The following EML5 variants were observed in gnomAD, a reference collection of about 807,000 sequenced individuals.
EML5 encodes EMAP like 5.
A neutral mutation model predicts 250.0 loss-of-function variants in EML5; 120 were observed. The observed-to-expected ratio is 0.48, with a 90% CI of 0.41 to 0.56. The LOEUF (loss-of-function observed/expected upper bound fraction) is 0.56. Ranked by LOEUF, EML5 falls within the 20% of genes least tolerant of loss-of-function variation. The pLI, the probability that EML5 is intolerant of heterozygous loss-of-function variation, is 0.00. For missense variants in EML5, 2,006 were observed against 2,437.6 expected, an observed-to-expected ratio of 0.82 and a Z score of 3.73; for synonymous variants, 771 against 806.5, an observed-to-expected ratio of 0.96 and a Z score of 0.75.
intron 2 of EML5, among the ~76,000 whole-genome samples, chr14:88,749,680 A>G (rs1314948122): frequency 6.6e-6 from 1 of 152,224 alleles, no homozygotes; most frequent in Non-Finnish European, 1.5e-5. Context: ...CTTTCCAAAT[A>G]TACATGAAAT....
In EML5 at chr14:88,754,602, A is replaced by T. The variant is rs1022723045; in HGVS notation, c.267T>A (p.Ile89=). The part of the protein sequence containing the change: ...GQVGKEPYIC[I]WDSYTVQTIS... ...TGGTCTGCACAGTGTATGAATCCCA[A>T]ATACAAATATAAGGCTCTTTCCCAA... The change falls in exon 2 of 44, where the codon ATT becomes ATA. Residue 89 remains isoleucine (I), a synonymous_variant. Transcript: ENST00000554922. The T allele has an allele frequency of 6.2e-7, 1 of 1,613,470 alleles. No homozygotes were observed. The highest frequency in any genetic ancestry group is 1.1e-5 in the South Asian group (1 of 90,964).
chr14:88,730,396 T>A (rs1433081907), intron 7 of EML5, among the ~76,000 whole-genome samples: 1 of 152,226 alleles, frequency 6.6e-6, no homozygotes, highest in Non-Finnish European at 1.5e-5. Flanking sequence ...GTGGTTGATT[T>A]GTTAGCCAAG....
At chr14:88,740,833 A>G (rs1374953284) in intron 4 of EML5, among the ~76,000 whole-genome samples, 4 of 152,168 alleles carry the variant, frequency 2.6e-5, no homozygotes, top group Admixed American at 2.6e-4. Context: ...AAAATATGCT[A>G]TGCTTTCCTT....
chr14:88,784,275 T>G (rs974996362), intron 1 of EML5, among the ~76,000 whole-genome samples: 3 of 151,564 alleles, frequency 2.0e-5, no homozygotes, highest in Non-Finnish European at 4.4e-5. Context: ...CCAAAATTAG[T>G]AGAAAGAAAT....
Position 88,625,125 on chromosome 14 carries a change from A to C in EML5, c.4743T>G (p.Asn1581Lys). The change falls in exon 36 of 44, where the codon AAT becomes AAG. Residue 1581 changes from asparagine (N) to lysine (K), a missense_variant and splice_region_variant. This residue lies in a region of EML5 where 405 missense variants were observed against 523.3 expected (regional missense o/e 0.77). Coordinates refer to ENST00000554922, the MANE Select transcript of EML5 (RefSeq NM_183387.3). ...QTMLAIAFGA[N>K]NLTFTGTISG... is the part of the protein sequence containing the mutation. ...TGATGGTACCTGTAAACGTCAAGTT[A>C]TTCTGAAAAGGAGTGGGGGAGGGGG... 1 of 1,613,560 alleles carries C rather than the reference A, an allele frequency of 6.2e-7. No homozygotes were observed. Among genetic ancestry groups the C allele is most frequent in the East Asian group, 2.2e-5 (1 of 44,880 alleles).
At chr14:88,694,581 T>G (rs1266510243) in intron 16 of EML5, among the ~76,000 whole-genome samples, 174 bp from the exon 17 acceptor site, 2 of 152,304 alleles carry the variant, frequency 1.3e-5, no homozygotes, top group African/African-American at 4.8e-5. Context: ...ATGGTAACTC[T>G]GCTCAAGAGA....
In EML5 at chr14:88,694,380, T is replaced by C. The variant is rs1181094932; in HGVS notation, c.2466A>G (p.Val822=). ...ARGSKDKIFV[V]KMNPYVPDKL... ...TATCAGGCACATAGGGGTTCATCTT[T>C]ACAACAAAAATCTTATCTTTACTTC... The change falls in exon 17 of 44, where the codon GTA becomes GTG. Residue 822 remains valine (V), a synonymous_variant. Coordinates refer to ENST00000554922, the MANE Select transcript of EML5 (RefSeq NM_183387.3). The C allele has an allele frequency of 6.3e-6, 10 of 1,588,266 alleles. No homozygotes were observed. The highest frequency in any genetic ancestry group is 6.9e-6 in the Non-Finnish European group (8 of 1,166,680).
intron 32 of EML5, among the ~76,000 whole-genome samples, chr14:88,637,721 T>C (rs2090821498): frequency 2.6e-5 from 4 of 152,184 alleles, no homozygotes; most frequent in Admixed American, 2.6e-4. Flanking sequence ...GGCATTGAGC[T>C]AGGTACTTAG....
At chr14:88,644,642 G>T (rs1402194027) in intron 29 of EML5, 131 bp from the exon 30 acceptor site, 2 of 656,072 alleles carry the variant, frequency 3.0e-6, no homozygotes, top group Non-Finnish European at 2.6e-6. Context: ...TGGTCCACTA[G>T]ACTGCCCTCT....
chr14:88,689,699 G>A (rs772207780), intron 17 of EML5, among the ~76,000 whole-genome samples: 30 of 151,996 alleles, frequency 2.0e-4, no homozygotes, highest in African/African-American at 3.1e-4. Flanking sequence ...GTGCCAGTAC[G>A]CTCCAGCCTG....
chr14:88,629,326 T>A (rs987597955), intron 33 of EML5, among the ~76,000 whole-genome samples: 6 of 152,146 alleles, frequency 3.9e-5, no homozygotes, highest in African/African-American at 1.4e-4. Flanking sequence ...TTAAATTCAA[T>A]GACTGAGCTT....
intron 1 of EML5, among the ~76,000 whole-genome samples, chr14:88,763,628 A>C (rs116761706): frequency 0.019 from 2,834 of 152,306 alleles, 98 homozygotes; most frequent in African/African-American, 0.064. Flanking sequence ...ACAATAGAAA[A>C]AGAGGGAATT....
At chr14:88,705,335 TCTAACA>T in intron 12 of EML5, 141 bp downstream of exon 12, 4 of 690,454 alleles carry the variant, frequency 5.8e-6, no homozygotes, top group Non-Finnish European at 9.9e-6. Flanking sequence ...ACAAGTGTAC[TCTAACA>T]CTGACAGTGG....
chr14:88,638,945 T>A, intron 31 of EML5, 38 bp from the exon 32 acceptor site: 1 of 1,466,914 alleles, frequency 6.8e-7, no homozygotes, highest in Non-Finnish European at 9.2e-7. Context: ...TTGAAAATTT[T>A]AAGATGTAAC....
chr14:88,687,522 C>T (rs571692644), intron 18 of EML5, among the ~76,000 whole-genome samples, 195 bp from the exon 19 acceptor site: 7 of 152,064 alleles, frequency 4.6e-5, no homozygotes, highest in Non-Finnish European at 1.0e-4. Context: ...TTTACAGTGA[C>T]CCTAAACATT....
chr14:88,762,067 G>T (rs978986042), intron 1 of EML5, among the ~76,000 whole-genome samples: 1 of 152,052 alleles, frequency 6.6e-6, no homozygotes, highest in Non-Finnish European at 1.5e-5. Flanking sequence ...GTTCCTTGTA[G>T]ATTCTGGATA....
At chr14:88,659,672 T>C (rs1391988932) in intron 25 of EML5, among the ~76,000 whole-genome samples, 2 of 152,212 alleles carry the variant, frequency 1.3e-5, no homozygotes, top group Non-Finnish European at 2.9e-5. Context: ...ATCTACACCA[T>C]CTGGAACGCT....
Position 88,620,933 on chromosome 14 carries a change from T to TA in EML5, c.5203-8_5203-7insT, listed in dbSNP as rs1207049670. On this transcript the variant is annotated splice_region_variant and splice_polypyrimidine_tract_variant and intron_variant, in intron 38 of 43. Coordinates refer to ENST00000554922, the MANE Select transcript of EML5 (RefSeq NM_183387.3). This position sits in a 1 kb window ranked among gnomAD's most constrained non-coding sequence, Gnocchi z 4.3. ...TCACTTTGTTTAACATCTTCTGCATTTAAAAAAAAAAAAAAAAAGAGTCAT... is the reference window on the plus strand; with the variant it reads ...TCACTTTGTTTAACATCTTCTGCATTATAAAAAAAAAAAAAAAAAGAGTCAT... The TA allele has an allele frequency of 2.3e-5, 33 of 1,429,136 alleles. No homozygotes were observed. The highest frequency in any genetic ancestry group is 5.7e-5 in the South Asian group (4 of 69,786). 88.5% of individuals were successfully genotyped at this position (1,429,136 alleles called of 1,614,324 possible).
At chr14:88,738,012 G>A (rs958566498) in intron 6 of EML5, among the ~76,000 whole-genome samples, 4 of 151,964 alleles carry the variant, frequency 2.6e-5, no homozygotes, top group East Asian at 1.9e-4. Flanking sequence ...GAAAGCTACC[G>A]TGTTTTTCAG....
Sources: gnomAD v4.1 joint callset for allele counts (sites outside exome capture counted in the v4.1 genomes callset) on GRCh38, gnomAD v4.1.1 for gene constraint, gnomAD v4.1.1 regional missense constraint, Gnocchi (gnomAD v3.1) non-coding constraint, MANE v1.5 for transcripts, NCBI Gene and HGNC (gene_info 2026-07-23, HGNC 2026-07-21) for gene names.